BEGAIN: variants seen among roughly 807,000 people sequenced by gnomAD.
The protein encoded by BEGAIN is brain enriched guanylate kinase associated.
BEGAIN carries 19 observed loss-of-function variants against 35.8 expected under a neutral mutation model. The observed-to-expected ratio is 0.53, with a 90% CI of 0.37 to 0.78. BEGAIN has a LOEUF of 0.78. Ranked by LOEUF, BEGAIN falls within the 30% of genes least tolerant of loss-of-function variation. BEGAIN has a pLI of 0.00. For synonymous variants in BEGAIN, 462 were observed against 388.6 expected, an observed-to-expected ratio of 1.19 and a Z score of -2.22; for missense variants, 795 against 853.6, an observed-to-expected ratio of 0.93 and a Z score of 0.85.
At chr14:100,547,156 C>T (rs2032632752) in intron 2 of BEGAIN, 1 of 152,672 alleles carries the variant, frequency 6.5e-6, no homozygotes, top group Non-Finnish European at 1.5e-5. Context: ...TGCCCAAGAC[C>T]AGACCTGCTT....
At chr14:100,565,784 G>C (rs940980358) in intron 2 of BEGAIN, among the ~76,000 whole-genome samples, 2 of 152,182 alleles carry the variant, frequency 1.3e-5, no homozygotes, top group Admixed American at 1.3e-4. Flanking sequence ...AGGGGCTCAC[G>C]GCACCCAACA....
rs775309612 is a variant in BEGAIN, at chr14:100,537,961, G to T, written c.*8C>A. The T allele has an allele frequency of 1.2e-6, 2 of 1,601,536 alleles. No individual in the cohort carries two copies. Among genetic ancestry groups the T allele is most frequent in the Non-Finnish European group, 1.7e-6 (2 of 1,175,158 alleles). ...GAGCGAACCACGGCCAGGCCTGCAC[G>T]CAGGCGCTCAGTTGAGCAAGGTTCC... is the stretch of plus-strand genomic sequence containing the variant. On this transcript the variant is annotated 3_prime_UTR_variant, in exon 7 of 7. Transcript: ENST00000554140.
At position 100,538,865 on chromosome 14, in the gene BEGAIN, TG is replaced by T; in HGVS notation, c.942del (p.Thr315ArgfsTer23). 1 of 1,607,954 alleles carries T rather than the reference TG, an allele frequency of 6.2e-7. No homozygotes were observed. The highest frequency in any genetic ancestry group is 8.5e-7 in the Non-Finnish European group (1 of 1,178,478). ...CTGAAGCTGGAGTAGGAGCTGGACG[TG>T]GGCAGTGAGCCTGCGTAGCTGGGGA... Reference protein sequence around the residue: ...EAFPSYAGSLPTSSSYSSFSA... With the variant: ...EAFPSYAGSLXTSSSYSSFSA... On this transcript the variant is annotated frameshift_variant, in exon 7 of 7. Coordinates refer to ENST00000554140, the MANE Select transcript of BEGAIN (RefSeq NM_001385089.1). LOFTEE classifies it high-confidence loss of function.
At chr14:100,552,704 C>T (rs531307070) in intron 2 of BEGAIN, among the ~76,000 whole-genome samples, 16 of 152,300 alleles carry the variant, frequency 1.1e-4, no homozygotes, top group South Asian at 4.1e-4. Context: ...TTTCCTGGCC[C>T]GGCTGTCAGC....
intron 2 of BEGAIN, among the ~76,000 whole-genome samples, chr14:100,551,588 T>C (rs546255571): frequency 6.6e-6 from 1 of 152,210 alleles, no homozygotes; most frequent in Admixed American, 6.5e-5. Context: ...TATACCTGGG[T>C]GGTGAAATGC....
Position 100,546,620 on chromosome 14 carries a change from G to T in BEGAIN, c.114C>A (p.Ser38=). Residue 38 remains serine (S), a synonymous_variant, in exon 3 of 7, where the codon TCC becomes TCA. Coordinates refer to ENST00000554140, the MANE Select transcript of BEGAIN (RefSeq NM_001385089.1). The part of the protein sequence containing the change: ...EQKGELRKRL[S]YTTHKLEKLE... Reference sequence around the variant, plus strand: ...GCTTCTCGAGCTTGTGTGTGGTGTAGGACAGCCGCTTGCGCAGCTCGCCCT... The same window carrying T: ...GCTTCTCGAGCTTGTGTGTGGTGTATGACAGCCGCTTGCGCAGCTCGCCCT... 6.9e-6 allele frequency: 11 copies of T among 1,586,596 alleles called. No homozygotes were observed. Among genetic ancestry groups the T allele is most frequent in the Middle Eastern group, 3.3e-4 (2 of 5,992 alleles).
Position 100,586,512 on chromosome 14 carries a change from G to C in BEGAIN, c.42+737C>G, listed in dbSNP as rs542130607. 1.3e-5 allele frequency among the ~76,000 whole-genome samples: 2 copies of C among 152,242 alleles called. No homozygotes were observed. The highest frequency in any genetic ancestry group is 3.9e-4 in the East Asian group (2 of 5,134). On this transcript the variant is annotated intron_variant, in intron 1 of 6. Coordinates refer to ENST00000554140, the MANE Select transcript of BEGAIN (RefSeq NM_001385089.1). This position sits in a 1 kb window ranked among gnomAD's most constrained non-coding sequence, Gnocchi z 4.9. ...GGAAACCACATTGGGGATGGGGTGG[G>C]GCACAGACGAGGAAGGAAACACCTC...
rs536891189 is a variant in BEGAIN at position 100,566,243 on chromosome 14, G to T, written c.71+1668C>A. Among the ~76,000 whole-genome samples the T allele has an allele frequency of 1.4e-4, 21 of 152,230 alleles. 1 individual carries two copies. The highest frequency in any genetic ancestry group is 1.1e-3 in the Admixed American group (17 of 15,290). ...GCTTAGCCCAGGGAAGCCTCAGCCC[G>T]CCTGGGACAGCAACGCTGACGCCAT... On this transcript the variant is annotated intron_variant, in intron 2 of 6. Coordinates refer to ENST00000554140, the MANE Select transcript of BEGAIN (RefSeq NM_001385089.1).
At chr14:100,582,343 C>T (rs2035336921) in intron 1 of BEGAIN, among the ~76,000 whole-genome samples, 2 of 152,124 alleles carry the variant, frequency 1.3e-5, no homozygotes, top group African/African-American at 4.8e-5. Context: ...TGGGGTTTCT[C>T]CATGTTGGCC....
chr14:100,585,874 C>T (rs375182166), intron 1 of BEGAIN, among the ~76,000 whole-genome samples: 2 of 152,248 alleles, frequency 1.3e-5, no homozygotes, highest in African/African-American at 4.8e-5. Context: ...GGGCCCTTGG[C>T]GGCAGCGCAG....
chr14:100,544,668 G>A (rs748722062), intron 4 of BEGAIN, among the ~76,000 whole-genome samples: 1 of 152,148 alleles, frequency 6.6e-6, no homozygotes, highest in Non-Finnish European at 1.5e-5. Flanking sequence ...GCCTGAATTC[G>A]GGCCTCCCTA....
Position 100,568,522 on chromosome 14 carries a change from G to T in BEGAIN, c.43-583C>A, listed in dbSNP as rs2034915944. ...CTGCCCTCAGATTCTGGGGTTTTGG[G>T]CCTGGCTTGCCCCTCCCGGGCCCCA... is the stretch of plus-strand genomic sequence containing the variant. On this transcript the variant is annotated intron_variant, in intron 1 of 6. Transcript: ENST00000554140. The surrounding 1 kb of genome is among the most constrained non-coding windows in gnomAD (Gnocchi z 7.5). The T allele has an allele frequency of 1.5e-5, 19 of 1,286,264 alleles. No homozygotes were observed. Among genetic ancestry groups the T allele is most frequent in the Non-Finnish European group, 1.9e-5 (19 of 987,408 alleles). The allele number at this position is 1,286,264 out of a possible 1,614,324, so 79.7% of individuals were successfully genotyped here. A position where few individuals can be genotyped will look rare whatever the true frequency, so the allele number is the denominator to read the frequency against.
At chr14:100,546,776 GCGCGCACACACACACACA>G (rs1255690917) in intron 2 of BEGAIN, 114 bp from the exon 3 acceptor site, 28 of 678,232 alleles carry the variant, frequency 4.1e-5, no homozygotes, top group South Asian at 4.0e-4. Flanking sequence ...GCGCGCGCGC[GCGCGCACACACACACACA>G]CACACACACA....
intron 1 of BEGAIN, among the ~76,000 whole-genome samples, chr14:100,579,446 C>T (rs1013962720): frequency 6.6e-6 from 1 of 152,176 alleles, no homozygotes; most frequent in African/African-American, 2.4e-5. Flanking sequence ...CACTGCACCC[C>T]ACACAGAGAT....
At chr14:100,562,593 C>G (rs571846902) in intron 2 of BEGAIN, among the ~76,000 whole-genome samples, 10 of 151,340 alleles carry the variant, frequency 6.6e-5, no homozygotes, top group Non-Finnish European at 1.5e-5. Flanking sequence ...CCCCGTCGCT[C>G]GAGCCTCCAA....
At chr14:100,542,636 T>C (rs1186015678) in intron 5 of BEGAIN, among the ~76,000 whole-genome samples, 2 of 152,256 alleles carry the variant, frequency 1.3e-5, no homozygotes, top group African/African-American at 4.8e-5. Context: ...GACTCAGCTC[T>C]TCTTCTAACA....
chr14:100,578,082 C>A (rs2400920), intron 1 of BEGAIN: 67,981 of 397,712 alleles, frequency 0.17, 8,815 homozygotes, highest in East Asian at 0.56. Context: ...GGGCTGCCTG[C>A]CAGATGCCCG....
chr14:100,584,147 G>A (rs145430905), intron 1 of BEGAIN, among the ~76,000 whole-genome samples: 132 of 152,326 alleles, frequency 8.7e-4, no homozygotes, highest in African/African-American at 3.1e-3. Flanking sequence ...TGCACCCACT[G>A]TGGGATGACC....
intron 2 of BEGAIN, among the ~76,000 whole-genome samples, chr14:100,552,677 G>A (rs2033321421): frequency 6.6e-6 from 1 of 152,236 alleles, no homozygotes; most frequent in Admixed American, 6.5e-5. Context: ...AAGGGGGAAT[G>A]AGCCACCTCC....
Sources: gnomAD v4.1 joint callset for allele counts (sites outside exome capture counted in the v4.1 genomes callset) on GRCh38, gnomAD v4.1.1 for gene constraint, Gnocchi (gnomAD v3.1) non-coding constraint, MANE v1.5 for transcripts, NCBI Gene and HGNC (gene_info 2026-07-23, HGNC 2026-07-21) for gene names.